NDST3: variants seen among roughly 807,000 people sequenced by gnomAD.
NDST3 encodes bifunctional heparan sulfate N-deacetylase/N-sulfotransferase 3.
In NDST3, 58 loss-of-function variants were observed where a neutral mutation model predicts 96.1. The ratio of observed to expected loss-of-function variants is 0.60; its 90% CI spans 0.49 to 0.75. The LOEUF (loss-of-function observed/expected upper bound fraction) is 0.75. Ranked by LOEUF, NDST3 falls within the 30% of genes least tolerant of loss-of-function variation. The probability of loss-of-function intolerance (pLI) is 0.00; values close to 1 mark genes in which losing one functional copy is unlikely to be tolerated. For missense variants in NDST3, 788 were observed against 1,034.2 expected, an observed-to-expected ratio of 0.76 and a Z score of 3.27; for synonymous variants, 333 against 359.7, an observed-to-expected ratio of 0.93 and a Z score of 0.84.
chr4:118,116,570 T>C (rs1731137165), intron 4 of NDST3, among the ~76,000 whole-genome samples: 1 of 152,140 alleles, frequency 6.6e-6, no homozygotes, highest in Admixed American at 6.5e-5. Context: ...CCTAAGAATA[T>C]ACTTAGGCTG....
intron 6 of NDST3, among the ~76,000 whole-genome samples, chr4:118,174,123 G>A (rs1238059402): frequency 1.3e-5 from 2 of 152,146 alleles, no homozygotes; most frequent in Non-Finnish European, 2.9e-5. Flanking sequence ...TTTAACTTTA[G>A]GCTGTTCTCT....
intron 12 of NDST3, among the ~76,000 whole-genome samples, chr4:118,245,246 G>A (rs1250063596): frequency 3.3e-5 from 5 of 152,156 alleles, no homozygotes; most frequent in Admixed American, 2.6e-4. Flanking sequence ...ATGTCTTCAT[G>A]TTTAGAAATA....
At chr4:118,143,467 G>A in intron 5 of NDST3, 89 bp from the exon 6 acceptor site, 2 of 1,352,096 alleles carry the variant, frequency 1.5e-6, no homozygotes, top group Admixed American at 2.3e-5. Flanking sequence ...ACTAGCTTGT[G>A]CATCATCTTG....
intron 2 of NDST3, among the ~76,000 whole-genome samples, chr4:118,064,160 T>C (rs1280395154): frequency 6.6e-6 from 1 of 152,176 alleles, no homozygotes; most frequent in Admixed American, 6.6e-5. Flanking sequence ...GAACCAAAAT[T>C]GCCCATAATT....
intron 6 of NDST3, among the ~76,000 whole-genome samples, chr4:118,165,895 T>C (rs967780610): frequency 6.6e-6 from 1 of 151,844 alleles, no homozygotes; most frequent in Non-Finnish European, 1.5e-5. Context: ...CCAAAACTTA[T>C]GGAATGCAAC....
chr4:118,084,727 C>T (rs1728283177), intron 2 of NDST3, among the ~76,000 whole-genome samples: 1 of 152,188 alleles, frequency 6.6e-6, no homozygotes, highest in African/African-American at 2.4e-5. Context: ...TACACTAACA[C>T]AAACAAATAA....
At chr4:118,194,628 C>T in intron 6 of NDST3, 2 of 704,532 alleles carry the variant, frequency 2.8e-6, no homozygotes, top group South Asian at 1.5e-5. Context: ...ATCTCTGTAC[C>T]TGTGCCCTCT....
chr4:118,240,709 G>C lies in NDST3; in HGVS notation c.2289+15G>C, dbSNP rs765296572. ...CCCCATTTCAGGTATGGAGTAATAA[G>C]GATTTACATCATGTTAGAATCTCAT... On this transcript the variant is annotated intron_variant, in intron 11 of 13. Coordinates refer to ENST00000296499, the MANE Select transcript of NDST3 (RefSeq NM_004784.3). 2 of 1,606,618 alleles carry C rather than the reference G, an allele frequency of 1.2e-6. No individual in the cohort carries two copies. The highest frequency in any genetic ancestry group is 1.7e-6 in the Non-Finnish European group (2 of 1,176,194).
At chr4:118,210,198 T>C (rs17626497) in intron 6 of NDST3, among the ~76,000 whole-genome samples, 44,835 of 151,916 alleles carry the variant, frequency 0.3, 8,126 homozygotes, top group Middle Eastern at 0.43. Flanking sequence ...GAGGGGTCAT[T>C]GCCTGCTCTG....
chr4:118,172,968 G>A (rs939102050), intron 6 of NDST3, among the ~76,000 whole-genome samples: 2 of 151,922 alleles, frequency 1.3e-5, no homozygotes, highest in Non-Finnish European at 2.9e-5. Flanking sequence ...TGTACTTCTC[G>A]CCATAACAAC....
At chr4:118,139,822 C>A (rs1733420914) in intron 5 of NDST3, among the ~76,000 whole-genome samples, 2 of 152,106 alleles carry the variant, frequency 1.3e-5, no homozygotes, top group Admixed American at 1.3e-4. Flanking sequence ...TCAATAATTC[C>A]TTTATATCTT....
intron 2 of NDST3, among the ~76,000 whole-genome samples, chr4:118,091,080 C>T (rs1180667713): frequency 6.6e-6 from 1 of 151,118 alleles, no homozygotes; most frequent in African/African-American, 2.4e-5. Flanking sequence ...AACAAAAATG[C>T]TGTTAGAATA....
intron 6 of NDST3, among the ~76,000 whole-genome samples, chr4:118,199,249 T>C (rs1737906706): frequency 6.6e-6 from 1 of 152,218 alleles, no homozygotes; most frequent in South Asian, 2.1e-4. Context: ...TTTTTTATTC[T>C]TTTTGCTTTT....
intron 1 of NDST3, among the ~76,000 whole-genome samples, chr4:118,047,071 T>C (rs943158927): frequency 6.6e-6 from 1 of 152,214 alleles, no homozygotes; most frequent in African/African-American, 2.4e-5. Flanking sequence ...GCCATGCAGC[T>C]AGATAAGAGG....
chr4:118,044,114 G>A (rs1342905408), intron 1 of NDST3, among the ~76,000 whole-genome samples: 2 of 152,084 alleles, frequency 1.3e-5, no homozygotes, highest in Non-Finnish European at 1.5e-5. Context: ...TTTCACTTTT[G>A]ACAAAGGGGA....
intron 6 of NDST3, among the ~76,000 whole-genome samples, chr4:118,176,541 C>A (rs1054390515): frequency 6.6e-6 from 1 of 152,014 alleles, no homozygotes; most frequent in Non-Finnish European, 1.5e-5. Context: ...GTGATGAGTT[C>A]ACTTCTCTAG....
At chr4:118,208,631 A>C (rs1292808073) in intron 6 of NDST3, among the ~76,000 whole-genome samples, 1 of 144,276 alleles carries the variant, frequency 6.9e-6, no homozygotes, top group South Asian at 2.3e-4. Flanking sequence ...GGAACAGTTC[A>C]TGGGTGACTT....
In NDST3 at chr4:118,069,117, G is replaced by A. The variant is rs115384704; in HGVS notation, c.981+14226G>A. Among the ~76,000 whole-genome samples the A allele has an allele frequency of 3.9e-3, 567 of 146,374 alleles. 2 individuals carry two copies. The highest frequency in any genetic ancestry group is 0.013 in the African/African-American group (537 of 41,348). On this transcript the variant is annotated intron_variant, in intron 2 of 13. Transcript: ENST00000296499. ...AAGTAATGAAAGGTACATTGCTTCT[G>A]TGATCTTTCAGGAACCTGTGCATCA...
intron 4 of NDST3, among the ~76,000 whole-genome samples, chr4:118,120,420 C>A (rs185468396): frequency 1.3e-5 from 2 of 152,012 alleles, no homozygotes; most frequent in East Asian, 3.9e-4. Context: ...TCAGGATTGG[C>A]GACTTTGAAT....
Sources: gnomAD v4.1 joint callset for allele counts (sites outside exome capture counted in the v4.1 genomes callset) on GRCh38, gnomAD v4.1.1 for gene constraint, MANE v1.5 for transcripts, NCBI Gene and HGNC (gene_info 2026-07-23, HGNC 2026-07-21) for gene names.